SUN3: variants seen among roughly 807,000 people sequenced by gnomAD.
SUN3 encodes the protein Sad1 and UNC84 domain containing 3.
Under a neutral mutation model 48.2 loss-of-function variants are expected in SUN3, and 36 were observed. The observed-to-expected ratio is 0.75, with a 90% CI of 0.57 to 0.99. The LOEUF (loss-of-function observed/expected upper bound fraction) is 0.99. Among genes scored for constraint, SUN3 ranks in the 50% least tolerant of loss-of-function variants. The pLI is 0.00. For synonymous variants in SUN3, 148 were observed against 147.9 expected, an observed-to-expected ratio of 1.00 and a Z score of 0.00; for missense variants, 419 against 433.1, an observed-to-expected ratio of 0.97 and a Z score of 0.29.
intron 3 of SUN3, among the ~76,000 whole-genome samples, chr7:48,009,975 C>A (rs537489938): frequency 1.3e-5 from 2 of 152,174 alleles, no homozygotes; most frequent in African/African-American, 4.8e-5. Flanking sequence ...TCTTCCGGGC[C>A]CTGCCACAGA....
intron 2 of SUN3, among the ~76,000 whole-genome samples, chr7:48,022,372 A>C (rs1377424560): frequency 6.6e-6 from 1 of 152,160 alleles, no homozygotes; most frequent in African/African-American, 2.4e-5. Context: ...GGGTGACTAC[A>C]GTAAAAAATT....
chr7:48,025,248 CAT>C (rs761534105), intron 2 of SUN3, among the ~76,000 whole-genome samples: 4 of 152,114 alleles, frequency 2.6e-5, no homozygotes, highest in Non-Finnish European at 5.9e-5. Flanking sequence ...GGAACTGACA[CAT>C]GATAGGATAT....
At position 48,029,001 on chromosome 7, in the gene SUN3, T is replaced by C; in HGVS notation, c.-63A>G. 6.2e-7 allele frequency: 1 copy of C among 1,605,142 alleles called. No homozygotes were observed. Among genetic ancestry groups the C allele is most frequent in the Non-Finnish European group, 8.5e-7 (1 of 1,177,284 alleles). ...GAGCAACATTTGTCCTCATTCCTAT[T>C]TTATGAAAAACATGAAGCTATACAT... On this transcript the variant is annotated 5_prime_UTR_variant, in exon 1 of 10. Transcript: ENST00000297325.
chr7:48,014,598 T>C (rs956228521), intron 3 of SUN3, among the ~76,000 whole-genome samples: 5 of 152,234 alleles, frequency 3.3e-5, no homozygotes, highest in African/African-American at 4.8e-5. Flanking sequence ...ACATTTGGAC[T>C]AGCTGGAATT....
intron 2 of SUN3, among the ~76,000 whole-genome samples, chr7:48,017,817 G>C (rs1458713903): frequency 6.6e-6 from 1 of 152,138 alleles, no homozygotes; most frequent in Non-Finnish European, 1.5e-5. Context: ...TCCCTGAGGG[G>C]CTGGCACAGA....
chr7:48,026,447 T>C (rs1194244802), intron 1 of SUN3, among the ~76,000 whole-genome samples: 1 of 152,116 alleles, frequency 6.6e-6, no homozygotes, highest in Admixed American at 6.5e-5. Context: ...GCTATACAAA[T>C]ACGATTTGTG....
At chr7:48,005,296 G>A (rs533764668) in intron 6 of SUN3, among the ~76,000 whole-genome samples, 10 of 152,260 alleles carry the variant, frequency 6.6e-5, no homozygotes, top group African/African-American at 2.4e-4. Flanking sequence ...AAAAACACAT[G>A]CTCACAAGAC....
the SUN3 span, among the ~76,000 whole-genome samples, chr7:48,034,444 A>C: frequency 0.017 from 2,226 of 133,258 alleles, 22 homozygotes; most frequent in East Asian, 0.04. Flanking sequence ...GTCTTGATTT[A>C]AAAAAAAATT....
intron 6 of SUN3, among the ~76,000 whole-genome samples, chr7:48,004,499 T>C (rs1246236909): frequency 6.6e-6 from 1 of 152,226 alleles, no homozygotes; most frequent in Non-Finnish European, 1.5e-5. Context: ...GTTTACATCA[T>C]TGCCAAATTC....
At chr7:48,024,107 A>G (rs1242112183) in intron 2 of SUN3, among the ~76,000 whole-genome samples, 1 of 152,218 alleles carries the variant, frequency 6.6e-6, no homozygotes, top group Non-Finnish European at 1.5e-5. Context: ...CCTAAATATT[A>G]TAAGAGCTAA....
At position 48,025,876 on chromosome 7, in the gene SUN3, C is replaced by T. The variant is rs1318950678; in HGVS notation, c.184+1G>A. 6.3e-7 allele frequency: 1 copy of T among 1,591,692 alleles called. No individual in the cohort carries two copies. The highest frequency in any genetic ancestry group is 8.6e-7 in the Non-Finnish European group (1 of 1,162,690). On this transcript the variant is annotated splice_donor_variant, in intron 2 of 9. Transcript: ENST00000297325. LOFTEE classifies it high-confidence loss of function. Reference sequence around the variant, plus strand: ...AAGGATCATTACTTAGGAAGACTTACCTACAAGAAGAAAAGTCAGTGTAAG... The same window carrying T: ...AAGGATCATTACTTAGGAAGACTTATCTACAAGAAGAAAAGTCAGTGTAAG...
chr7:48,002,809 C>T lies in SUN3; in HGVS notation c.577+3160G>A, dbSNP rs980803446. On this transcript the variant is annotated intron_variant, in intron 6 of 9. Coordinates refer to ENST00000297325, the MANE Select transcript of SUN3 (RefSeq NM_001030019.2). ...TTTGTCGTGATATCTTTGCCCATGC[C>T]TATGTCCTGAATGGTACATACAACT... Among the ~76,000 whole-genome samples, 10 of 152,172 alleles carry T rather than the reference C, an allele frequency of 6.6e-5. 1 individual carries two copies. Among genetic ancestry groups the T allele is most frequent in the Admixed American group, 2.0e-4 (3 of 15,282 alleles).
chr7:48,009,358 A>C (rs560913756), intron 3 of SUN3, among the ~76,000 whole-genome samples: 5 of 152,148 alleles, frequency 3.3e-5, no homozygotes, highest in Non-Finnish European at 4.4e-5. Context: ...TAAGACTGTA[A>C]AGGCCTGAAC....
At chr7:48,022,040 T>C (rs1273920117) in intron 2 of SUN3, among the ~76,000 whole-genome samples, 1 of 151,948 alleles carries the variant, frequency 6.6e-6, no homozygotes, top group Non-Finnish European at 1.5e-5. Context: ...AGCAGATAAA[T>C]GGATAAAGAA....
rs117699863 is a variant in SUN3 at position 48,026,944 on chromosome 7, C to T, written c.123-1006G>A. On this transcript the variant is annotated intron_variant, in intron 1 of 9. Coordinates refer to ENST00000297325, the MANE Select transcript of SUN3 (RefSeq NM_001030019.2). ...GTCTGTGGTATTTATTATTGCAGCCCGAGCAGATGAATATACCAAGCCCAT... is the reference window on the plus strand; with the variant it reads ...GTCTGTGGTATTTATTATTGCAGCCTGAGCAGATGAATATACCAAGCCCAT... Among the ~76,000 whole-genome samples, 69 of 152,234 alleles carry T rather than the reference C, an allele frequency of 4.5e-4. No homozygotes were observed. In the East Asian group the frequency reaches 7.3e-3, roughly 16 times the overall value.
At chr7:48,013,025 C>T (rs549097816) in intron 3 of SUN3, among the ~76,000 whole-genome samples, 43 of 152,214 alleles carry the variant, frequency 2.8e-4, no homozygotes, top group Non-Finnish European at 5.9e-4. Flanking sequence ...TTATAAGCTA[C>T]CTAGTCTATG....
At chr7:48,034,429 G>GA in the SUN3 span, among the ~76,000 whole-genome samples, 1 of 150,728 alleles carries the variant, frequency 6.6e-6, no homozygotes, top group South Asian at 2.1e-4. Flanking sequence ...CCACCATTAT[G>GA]AAAAGTCTTG....
Position 48,007,173 on chromosome 7 carries a change from G to T in SUN3, c.484C>A (p.His162Asn), listed in dbSNP as rs1333485295. 23 of 1,610,612 alleles carry T rather than the reference G, an allele frequency of 1.4e-5. No homozygotes were observed. The highest frequency in any genetic ancestry group is 1.9e-5 in the Non-Finnish European group (22 of 1,177,894). The change falls in exon 5 of 10, where the codon CAC becomes AAC. Residue 162 changes from histidine (H) to asparagine (N), a missense_variant. Physicochemically the swap from His to Asn is moderately conservative, Grantham distance 68 (BLOSUM62 1). Transcript: ENST00000297325. ...THGDPVEDPD[H>N]TEEVSNLVNY... ...CTAGCCTCATCCAGGACCTCTGTGT[G>T]GTCCGGGTCCTCCACAGGGTCTCCA...
the SUN3 span, among the ~76,000 whole-genome samples, chr7:48,034,280 C>T: frequency 6.6e-6 from 1 of 152,120 alleles, no homozygotes; most frequent in African/African-American, 2.4e-5. Flanking sequence ...GCAGGATAAA[C>T]CACAGAATTA....
Sources: allele counts gnomAD v4.1 joint callset (sites outside exome capture counted in the v4.1 genomes callset), GRCh38; gene constraint gnomAD v4.1.1; transcripts MANE v1.5; gene names NCBI Gene and HGNC (gene_info 2026-07-23, HGNC 2026-07-21).